Variants in MGA observed in about 807,000 individuals in gnomAD.
MGA encodes MAX gene-associated protein.
MGA carries 40 observed loss-of-function variants against 261.1 expected under a neutral mutation model. The observed-to-expected ratio is 0.15, with a 90% CI of 0.12 to 0.20. The LOEUF is 0.20. MGA is among the 10% of genes least tolerant of loss of function. MGA has a pLI of 1.00. For missense variants in MGA, 3,397 were observed against 3,630.5 expected, an observed-to-expected ratio of 0.94 and a Z score of 1.65; for synonymous variants, 1,302 against 1,290.6, an observed-to-expected ratio of 1.01 and a Z score of -0.19.
intron 18 of MGA, among the ~76,000 whole-genome samples, chr15:41,757,023 A>C (rs950771810): frequency 6.6e-6 from 1 of 152,030 alleles, no homozygotes. Context: ...AAAAGTGTGC[A>C]TGGTAAACTC....
At chr15:41,740,944 C>T (rs2062054908) in intron 14 of MGA, among the ~76,000 whole-genome samples, 1 of 152,098 alleles carries the variant, frequency 6.6e-6, no homozygotes, top group African/African-American at 2.4e-5. Context: ...TATTGAATTC[C>T]TCTTTTTGTT....
At chr15:41,631,844 T>A (rs2150553179) in intron 1 of MGA, among the ~76,000 whole-genome samples, 1 of 152,348 alleles carries the variant, frequency 6.6e-6, no homozygotes, top group South Asian at 2.1e-4. Flanking sequence ...TAATTTCTAA[T>A]ATGCCAGCTA....
intron 2 of MGA, among the ~76,000 whole-genome samples, chr15:41,676,426 T>A (rs2058382083): frequency 6.6e-6 from 1 of 152,264 alleles, no homozygotes; most frequent in African/African-American, 2.4e-5. Context: ...AGTGCCGGGA[T>A]TACAGGCGTG....
chr15:41,676,620 A>G (rs1012053246), intron 2 of MGA, among the ~76,000 whole-genome samples: 4 of 152,064 alleles, frequency 2.6e-5, no homozygotes, highest in Non-Finnish European at 5.9e-5. Flanking sequence ...TATCTATAAG[A>G]TGTATTTAAT....
At chr15:41,671,731 C>G (rs2058071764) in intron 2 of MGA, among the ~76,000 whole-genome samples, 1 of 152,198 alleles carries the variant, frequency 6.6e-6, no homozygotes, top group Admixed American at 6.5e-5. Context: ...AAATTGTAGG[C>G]CACTAACAGC....
intron 15 of MGA, among the ~76,000 whole-genome samples, chr15:41,745,572 TAA>T (rs1380128374): frequency 1.3e-5 from 2 of 151,296 alleles, no homozygotes; most frequent in East Asian, 3.9e-4. Context: ...ATATTTTTAA[TAA>T]AAATGTATTT....
At chr15:41,634,235 T>C (rs1354851936) in intron 1 of MGA, among the ~76,000 whole-genome samples, 2 of 152,220 alleles carry the variant, frequency 1.3e-5, no homozygotes, top group Non-Finnish European at 2.9e-5. Flanking sequence ...GGGATTTTTG[T>C]CCTGTTTGCT....
chr15:41,700,368 T>G (rs951233318), intron 5 of MGA, among the ~76,000 whole-genome samples: 1 of 152,092 alleles, frequency 6.6e-6, no homozygotes, highest in East Asian at 1.9e-4. Context: ...TTTTAAGCCC[T>G]GCATGCATTA....
chr15:41,699,240 T>C, intron 5 of MGA, 81 bp downstream of exon 5: 1 of 915,122 alleles, frequency 1.1e-6, no homozygotes, highest in East Asian at 2.8e-5. Flanking sequence ...CCTCTCTCTT[T>C]CTCATCTCTT....
At chr15:41,626,888 G>A (rs557576039) in intron 1 of MGA, among the ~76,000 whole-genome samples, 37 of 151,862 alleles carry the variant, frequency 2.4e-4, no homozygotes, top group African/African-American at 8.9e-4. Flanking sequence ...TTTTGAGATG[G>A]AGTCTCTCTC....
chr15:41,661,646 G>A (rs1386532709), intron 1 of MGA, among the ~76,000 whole-genome samples: 1 of 152,174 alleles, frequency 6.6e-6, no homozygotes, highest in Non-Finnish European at 1.5e-5. Flanking sequence ...GAGCAAACAC[G>A]TGGATCATGA....
intron 2 of MGA, among the ~76,000 whole-genome samples, chr15:41,675,780 A>T (rs577765507): frequency 7.8e-4 from 111 of 142,326 alleles, no homozygotes; most frequent in Admixed American, 1.6e-3. Context: ...TCTTCTTTTT[A>T]AAAAAATTAT....
chr15:41,677,170 C>T (rs1049224879), intron 2 of MGA, among the ~76,000 whole-genome samples: 4 of 152,152 alleles, frequency 2.6e-5, no homozygotes, highest in South Asian at 2.1e-4. Flanking sequence ...GATTGAGTCT[C>T]GCTCTGTCGC....
chr15:41,647,829 T>C (rs939280353), intron 1 of MGA, among the ~76,000 whole-genome samples: 4 of 152,142 alleles, frequency 2.6e-5, no homozygotes, highest in Non-Finnish European at 4.4e-5. Context: ...GATTACATAC[T>C]CCCCTAATAA....
chr15:41,667,256 T>A lies in MGA; in HGVS notation c.-67-1572T>A, dbSNP rs536162281. ...TTATTACTGTTAATGTATTTTTATTTTTTTTTTTGAGTCAGAGTCTCGCTC... is the reference window on the plus strand; with the variant it reads ...TTATTACTGTTAATGTATTTTTATTATTTTTTTTGAGTCAGAGTCTCGCTC... On this transcript the variant is annotated intron_variant, in intron 1 of 23. Transcript: ENST00000219905. Among the ~76,000 whole-genome samples, 110 of 152,196 alleles carry A rather than the reference T, an allele frequency of 7.2e-4. 1 individual carries two copies. Among genetic ancestry groups the A allele is most frequent in the African/African-American group, 2.1e-3 (88 of 41,538 alleles).
Position 41,696,994 on chromosome 15 carries a change from G to A in MGA, c.1984G>A (p.Gly662Ser). 1 of 1,577,446 alleles carries A rather than the reference G, an allele frequency of 6.3e-7. No homozygotes were observed. The highest frequency in any genetic ancestry group is 8.6e-7 in the Non-Finnish European group (1 of 1,164,046). The change falls in exon 3 of 24, where the codon GGT becomes AGT. Residue 662 changes from glycine to serine, a missense_variant. Physicochemically the swap from Gly to Ser is moderately conservative, Grantham distance 56. Transcript: ENST00000219905. ...GAAGCCTGATCTGGAAGATGTGGAT[G>A]GTGTTCTCTTTGTTTCCTTTGAATC...
intron 2 of MGA, chr15:41,691,801 G>T: frequency 5.2e-6 from 1 of 193,910 alleles, no homozygotes; most frequent in East Asian, 1.5e-4. Context: ...TCTCTTTGTT[G>T]TTCCTCCAGT....
At chr15:41,691,960 G>T (rs771722420) in intron 2 of MGA, among the ~76,000 whole-genome samples, 2 of 151,786 alleles carry the variant, frequency 1.3e-5, no homozygotes, top group African/African-American at 4.8e-5. Flanking sequence ...TGGATCTGTG[G>T]GTTAAAATCT....
Position 41,750,055 on chromosome 15 carries a change from C to T in MGA, c.6448C>T (p.Gln2150Ter). ...ATTGTCAGGAAGCAAAGTTATGGAG[C>T]AGCAATCTAATCTACAGCCAGAGGC... is the stretch of plus-strand genomic sequence containing the variant. The change falls in exon 17 of 24, where the codon CAG becomes TAG. Residue 2150 changes from glutamine to a stop codon, truncating the protein, a stop_gained. Transcript: ENST00000219905. LOFTEE classifies it high-confidence loss of function. 6.2e-7 allele frequency: 1 copy of T among 1,613,272 alleles called. No individual in the cohort carries two copies.
Sources: allele counts gnomAD v4.1 joint callset (sites outside exome capture counted in the v4.1 genomes callset), GRCh38; gene constraint gnomAD v4.1.1; transcripts MANE v1.5; gene names NCBI Gene and HGNC (gene_info 2026-07-23, HGNC 2026-07-21).